The following CCDC158 variants were observed in gnomAD, a reference collection of about 807,000 sequenced individuals.
The protein encoded by CCDC158 is coiled-coil domain containing 158.
In CCDC158, 116 loss-of-function variants were observed where a neutral mutation model predicts 138.6. The observed-to-expected ratio is 0.84, with a 90% CI of 0.72 to 0.98. The LOEUF (loss-of-function observed/expected upper bound fraction) is 0.98, where lower values mean the gene tolerates loss of function less well. Ranked by LOEUF, CCDC158 falls within the 50% of genes least tolerant of loss-of-function variation. The pLI is 0.00. For missense variants in CCDC158, 1,265 were observed against 1,306.1 expected, an observed-to-expected ratio of 0.97 and a Z score of 0.48; for synonymous variants, 436 against 442.4, an observed-to-expected ratio of 0.99 and a Z score of 0.18.
rs180727882 is a variant in CCDC158, at chr4:76,366,420, G to A, written c.1830+874C>T. ...TGATTTGTCTCCTACTACTCACCAA[G>A]TCAGAGATAAAGGTGACATTAATCC... On this transcript the variant is annotated intron_variant, in intron 12 of 24. Transcript: ENST00000682701. Among the ~76,000 whole-genome samples, 136 of 152,288 alleles carry A rather than the reference G, an allele frequency of 8.9e-4. 1 individual carries two copies. The South Asian group carries it at 0.023, about 26-fold the overall frequency.
At chr4:76,343,732 C>T (rs918001878) in intron 18 of CCDC158, among the ~76,000 whole-genome samples, 5 of 151,980 alleles carry the variant, frequency 3.3e-5, no homozygotes, top group Admixed American at 1.3e-4. Context: ...ACCCAGGAGA[C>T]GGAGGTCACA....
At chr4:76,362,067 C>T in intron 13 of CCDC158, 59 bp downstream of exon 13, 1 of 1,433,030 alleles carries the variant, frequency 7.0e-7, no homozygotes, top group South Asian at 1.2e-5. Context: ...CTAGGGTCTA[C>T]ATTGGCTTCA....
intron 1 of CCDC158, among the ~76,000 whole-genome samples, chr4:76,419,846 C>T (rs759265034): frequency 6.7e-6 from 1 of 150,346 alleles, no homozygotes; most frequent in Non-Finnish European, 1.5e-5. Flanking sequence ...CACTGCTCAG[C>T]CTACCATATA....
chr4:76,355,473 C>T, intron 14 of CCDC158, 37 bp from the exon 15 acceptor site: 1 of 1,351,504 alleles, frequency 7.4e-7, no homozygotes, highest in Non-Finnish European at 1.1e-6. Flanking sequence ...GCCTTAGGTT[C>T]TTAAGTTTGA....
intron 18 of CCDC158, among the ~76,000 whole-genome samples, chr4:76,341,683 G>A (rs1367134946): frequency 6.6e-6 from 1 of 152,096 alleles, no homozygotes; most frequent in Non-Finnish European, 1.5e-5. Flanking sequence ...CAAACTATCA[G>A]TTACATATAT....
chr4:76,368,002 A>C (rs1209835348), intron 11 of CCDC158, among the ~76,000 whole-genome samples: 2 of 151,300 alleles, frequency 1.3e-5, no homozygotes, highest in East Asian at 3.9e-4. Context: ...AAGTGCTGGG[A>C]TTTCAGGGAT....
chr4:76,323,454 A>G, intron 23 of CCDC158, 45 bp from the exon 24 acceptor site: 1 of 1,391,002 alleles, frequency 7.2e-7, no homozygotes, highest in Non-Finnish European at 9.8e-7. Context: ...TCTACTCAAC[A>G]TTTCCTTTTA....
intron 3 of CCDC158, among the ~76,000 whole-genome samples, chr4:76,402,387 G>T (rs924422626): frequency 6.6e-6 from 1 of 152,210 alleles, no homozygotes; most frequent in Non-Finnish European, 1.5e-5. Flanking sequence ...TCTCAGATGA[G>T]GATCTGGTAG....
At chr4:76,379,703 C>T (rs1004558542) in intron 8 of CCDC158, among the ~76,000 whole-genome samples, 1 of 151,486 alleles carries the variant, frequency 6.6e-6, no homozygotes, top group Non-Finnish European at 1.5e-5. Context: ...ATTATTTCTA[C>T]ACATATGCAT....
chr4:76,381,053 T>C (rs1489023526), intron 8 of CCDC158, among the ~76,000 whole-genome samples: 1 of 152,242 alleles, frequency 6.6e-6, no homozygotes, highest in Non-Finnish European at 1.5e-5. Context: ...TGTATGGAAA[T>C]GCCTGGATGT....
chr4:76,377,629 C>G (rs946650722), intron 9 of CCDC158, among the ~76,000 whole-genome samples: 1 of 152,172 alleles, frequency 6.6e-6, no homozygotes, highest in Non-Finnish European at 1.5e-5. Flanking sequence ...AGGGGAAAAG[C>G]TTGTCCTGAG....
intron 4 of CCDC158, among the ~76,000 whole-genome samples, chr4:76,387,466 C>G (rs74885068): frequency 0.03 from 4,530 of 152,090 alleles, 251 homozygotes; most frequent in East Asian, 0.22. Flanking sequence ...GTAGGCAGAT[C>G]ATTTGAGCTC....
chr4:76,363,259 T>C (rs1352035889), intron 12 of CCDC158, among the ~76,000 whole-genome samples: 1 of 152,184 alleles, frequency 6.6e-6, no homozygotes, highest in African/African-American at 2.4e-5. Context: ...ACTTGACAGA[T>C]GTTGTCACGG....
At chr4:76,371,085 C>T (rs550572699) in intron 10 of CCDC158, among the ~76,000 whole-genome samples, 1 of 152,190 alleles carries the variant, frequency 6.6e-6, no homozygotes, top group East Asian at 1.9e-4. Flanking sequence ...TCTATATACA[C>T]AATTTTTATG....
intron 7 of CCDC158, among the ~76,000 whole-genome samples, 182 bp from the exon 8 acceptor site, chr4:76,382,902 G>C (rs1325249030): frequency 6.6e-6 from 1 of 152,126 alleles, no homozygotes; most frequent in East Asian, 1.9e-4. Context: ...AATCTTTTGG[G>C]AGTCAGATAG....
chr4:76,383,606 T>G, intron 7 of CCDC158, 56 bp downstream of exon 7: 1 of 1,273,634 alleles, frequency 7.9e-7, no homozygotes, highest in Non-Finnish European at 1.1e-6. Context: ...GCCGAAACAC[T>G]GTAAAACTGT....
chr4:76,401,937 A>G (rs1313640629), intron 3 of CCDC158: 1 of 152,344 alleles, frequency 6.6e-6, no homozygotes, highest in Admixed American at 6.6e-5. Flanking sequence ...TGACAATGGC[A>G]TTTTAGGATA....
intron 24 of CCDC158, among the ~76,000 whole-genome samples, chr4:76,314,853 T>A (rs1719220171): frequency 6.6e-6 from 1 of 152,108 alleles, no homozygotes; most frequent in Non-Finnish European, 1.5e-5. Flanking sequence ...TCTGTAATAA[T>A]TTCAACTGGG....
intron 4 of CCDC158, among the ~76,000 whole-genome samples, chr4:76,389,581 A>G (rs1261304417): frequency 6.6e-6 from 1 of 152,198 alleles, no homozygotes; most frequent in Non-Finnish European, 1.5e-5. Flanking sequence ...TCCCAAACCT[A>G]GAGAAAAATA....
Sources: gnomAD v4.1 joint callset for allele counts (sites outside exome capture counted in the v4.1 genomes callset) on GRCh38, gnomAD v4.1.1 for gene constraint, MANE v1.5 for transcripts, NCBI Gene and HGNC (gene_info 2026-07-23, HGNC 2026-07-21) for gene names.